Variants in ARHGEF1 observed in about 807,000 individuals in gnomAD.
ARHGEF1 encodes 115 kDa guanine nucleotide exchange factor.
Under a neutral mutation model 119.7 loss-of-function variants are expected in ARHGEF1, and 40 were observed. The ratio of observed to expected loss-of-function variants is 0.33; its 90% CI spans 0.26 to 0.44. The LOEUF is 0.44. Among genes scored for constraint, ARHGEF1 ranks in the 20% least tolerant of loss-of-function variants. The pLI is 1.00. For synonymous variants in ARHGEF1, 494 were observed against 521.0 expected (o/e 0.95, Z 0.71); for missense variants, 976 against 1,268.3 (o/e 0.77, Z 3.50).
rs1555849651 is a variant in ARHGEF1, at chr19:41,904,244, G to A, written c.2022G>A (p.Leu674=). 6.2e-7 allele frequency: 1 copy of A among 1,612,194 alleles called. No homozygotes were observed. Among genetic ancestry groups the A allele is most frequent in the Non-Finnish European group, 8.5e-7 (1 of 1,179,310 alleles). Residue 674 remains leucine, a synonymous_variant, in exon 22 of 29, where the codon CTG becomes CTA. Coordinates refer to ENST00000354532, the MANE Select transcript of ARHGEF1 (RefSeq NM_004706.4). This position sits in a 1 kb window ranked among gnomAD's most constrained non-coding sequence, Gnocchi z 8.4. ...VEVHVLLLDD[L]LLLLQRQDER... is the part of the protein sequence containing the mutation. ...TGCATGTGCTGCTGCTGGACGACCTGCTGCTGCTGCTCCAGCGCCAGGACG... is the reference window on the plus strand; with the variant it reads ...TGCATGTGCTGCTGCTGGACGACCTACTGCTGCTGCTCCAGCGCCAGGACG...
Position 41,888,144 on chromosome 19 carries a change from C to T in ARHGEF1, c.24+38C>T. On this transcript the variant is annotated intron_variant, in intron 2 of 28. Transcript: ENST00000354532. The surrounding 1 kb of genome is among the most constrained non-coding windows in gnomAD (Gnocchi z 5.1). ...AGCAAGGGGTGAGGCGACTCTGGGG[C>T]TGTGGGTGGAGAGTCCTGTGGACTG... 5 of 1,614,062 alleles carry T rather than the reference C, an allele frequency of 3.1e-6. No individual in the cohort carries two copies. The highest frequency in any genetic ancestry group is 4.2e-6 in the Non-Finnish European group (5 of 1,179,964).
At chr19:41,884,231 C>T in intron 1 of ARHGEF1, 1 of 609,930 alleles carries the variant, frequency 1.6e-6, no homozygotes, top group Non-Finnish European at 2.9e-6. Flanking sequence ...AACGCTGGCC[C>T]TCCAAGACAG....
Position 41,888,927 on chromosome 19 carries a change from G to C in ARHGEF1, c.225+62G>C. ...GGCTGGGACAGGCACAGCTTTTAGC[G>C]AATTAAACCAGCGAGCTAGTGCCTG... On this transcript the variant is annotated intron_variant, in intron 4 of 28. Transcript: ENST00000354532. This position sits in a 1 kb window ranked among gnomAD's most constrained non-coding sequence, Gnocchi z 5.1. The C allele has an allele frequency of 7.0e-7, 1 of 1,426,646 alleles. No individual in the cohort carries two copies. Among genetic ancestry groups the C allele is most frequent in the Non-Finnish European group, 9.7e-7 (1 of 1,035,418 alleles). The allele number at this position is 1,426,646 out of a possible 1,614,324, so 88.4% of individuals were successfully genotyped here. A position where few individuals can be genotyped will look rare whatever the true frequency, so the allele number is the denominator to read the frequency against.
intron 1 of ARHGEF1, among the ~76,000 whole-genome samples, chr19:41,927,768 G>A (rs1555853393): frequency 6.6e-6 from 1 of 152,036 alleles, no homozygotes; most frequent in South Asian, 2.1e-4. Context: ...CCATCTCCGT[G>A]GCTCTCACTC....
rs1193376566 is a variant in ARHGEF1, at chr19:41,896,433, G to A, written c.1072G>A (p.Glu358Lys). 1 of 1,479,354 alleles carries A rather than the reference G, an allele frequency of 6.8e-7. No homozygotes were observed. Among genetic ancestry groups the A allele is most frequent in the Non-Finnish European group, 9.0e-7 (1 of 1,116,168 alleles). 91.6% of individuals were successfully genotyped at this position (1,479,354 alleles called of 1,614,324 possible). ...DSSPQGPMSL[E>K]SLAPPESTDE... ...ATCCCCGCAGGGCCCAATGAGCCTG[G>A]AGTCCTTGGCGCCCCCAGAGAGTAC... is the stretch of plus-strand genomic sequence containing the variant. The change falls in exon 13 of 29, where the codon GAG (glutamate) becomes AAG (lysine). Residue 358 changes from glutamate (E) to lysine (K), a missense_variant. By Grantham distance (56) the Glu-to-Lys change is moderately conservative. Coordinates refer to ENST00000354532, the MANE Select transcript of ARHGEF1 (RefSeq NM_004706.4).
chr19:41,911,026 C>T (rs536582195), downstream of ARHGEF1, among the ~76,000 whole-genome samples: 117 of 152,290 alleles, frequency 7.7e-4, no homozygotes, highest in African/African-American at 2.5e-3. Flanking sequence ...ACACACTGTA[C>T]GATGGAGACG....
intron 18 of ARHGEF1, chr19:41,912,973 GGA>G (rs2074762754): frequency 1.0e-6 from 1 of 966,352 alleles, no homozygotes; most frequent in Admixed American, 4.3e-5. Flanking sequence ...GGGGTGGGCA[GGA>G]GAGACAGACA....
chr19:41,897,326 G>C, intron 13 of ARHGEF1: 2 of 1,269,908 alleles, frequency 1.6e-6, no homozygotes, highest in Non-Finnish European at 2.0e-6. Context: ...AGGTGGAAGA[G>C]GTGGGTGCCT....
In ARHGEF1 at chr19:41,888,930, T is replaced by C; in HGVS notation, c.225+65T>C. On this transcript the variant is annotated intron_variant, in intron 4 of 28. Coordinates refer to ENST00000354532, the MANE Select transcript of ARHGEF1 (RefSeq NM_004706.4). This position sits in a 1 kb window ranked among gnomAD's most constrained non-coding sequence, Gnocchi z 5.1. ...TGGGACAGGCACAGCTTTTAGCGAATTAAACCAGCGAGCTAGTGCCTGGAG... is the reference window on the plus strand; with the variant it reads ...TGGGACAGGCACAGCTTTTAGCGAACTAAACCAGCGAGCTAGTGCCTGGAG... The C allele has an allele frequency of 7.1e-7, 1 of 1,406,028 alleles. No individual in the cohort carries two copies. Among genetic ancestry groups the C allele is most frequent in the Non-Finnish European group, 9.8e-7 (1 of 1,019,738 alleles). 87.1% of individuals were successfully genotyped at this position (1,406,028 alleles called of 1,614,324 possible). A position where few individuals can be genotyped will look rare whatever the true frequency, so the allele number is the denominator to read the frequency against.
At position 41,898,437 on chromosome 19, in the gene ARHGEF1, C is replaced by A; in HGVS notation, c.1122-5C>A. ...CTGGGGCCCTAACAAGGCCTCTGTC[C>A]ACAGCCCCGAGCCTGGAGATGAGGG... On this transcript the variant is annotated splice_polypyrimidine_tract_variant and splice_region_variant and intron_variant, in intron 13 of 28. Transcript: ENST00000354532. The A allele has an allele frequency of 6.5e-7, 1 of 1,547,762 alleles. No individual in the cohort carries two copies.
upstream of ARHGEF1, among the ~76,000 whole-genome samples, chr19:41,918,445 C>T (rs1248421046): frequency 1.4e-5 from 2 of 147,560 alleles, no homozygotes; most frequent in African/African-American, 2.5e-5. Flanking sequence ...CATAAATACA[C>T]CACACATGCA....
rs1175885344 is a variant in ARHGEF1, at chr19:41,906,865, G to C, written c.*17+62G>C. On this transcript the variant is annotated intron_variant, in intron 28 of 28. Coordinates refer to ENST00000354532, the MANE Select transcript of ARHGEF1 (RefSeq NM_004706.4). The surrounding 1 kb of genome is among the most constrained non-coding windows in gnomAD (Gnocchi z 4.5). ...AAAGGAGGGTCCCCCTCCAGAGCTC[G>C]CATCCCTACAGCCCCTTCTGTCCAT... 2.3e-6 allele frequency: 3 copies of C among 1,312,676 alleles called. No individual in the cohort carries two copies. The highest frequency in any genetic ancestry group is 2.5e-5 in the East Asian group (1 of 40,702). The allele number at this position is 1,312,676 out of a possible 1,614,324, so 81.3% of individuals were successfully genotyped here. A position where few individuals can be genotyped will look rare whatever the true frequency, so the allele number is the denominator to read the frequency against.
At chr19:41,909,721 C>A, downstream of ARHGEF1, 1 of 1,019,950 alleles carries the variant, frequency 9.8e-7, no homozygotes, top group Middle Eastern at 2.4e-4. This position sits in a 1 kb window ranked among gnomAD's most constrained non-coding sequence, Gnocchi z 5.2. Context: ...CTTCCACTCA[C>A]AAGTAGCGAT....
In ARHGEF1 at chr19:41,917,094, C is replaced by T. The variant is rs537804457; in HGVS notation, c.1866-5998C>T. 2.4e-4 allele frequency among the ~76,000 whole-genome samples: 37 copies of T among 152,298 alleles called. No individual in the cohort carries two copies. The highest frequency in any genetic ancestry group is 7.5e-4 in the African/African-American group (31 of 41,560). On this transcript the variant is annotated intron_variant, in intron 18 of 20. Coordinates refer to the ARHGEF1 transcript ENST00000599589. This position sits in a 1 kb window ranked among gnomAD's most constrained non-coding sequence, Gnocchi z 4.8. The stretch of plus-strand genomic sequence containing the variant: ...ACTGCCTCTCGAGACACAGGTCTCT[C>T]GGTCTCTCTCAGCCCCTTCGGGTGT...
At chr19:41,912,704 G>A (rs1599672524) in intron 18 of ARHGEF1, 2 of 398,988 alleles carry the variant, frequency 5.0e-6, no homozygotes, top group East Asian at 7.1e-5. Context: ...TTCTCAGAAG[G>A]GGTTTGATTT....
chr19:41,895,556 G>C (rs2288510), intron 12 of ARHGEF1, 70 bp downstream of exon 12: 6 of 1,495,494 alleles, frequency 4.0e-6, no homozygotes, highest in Non-Finnish European at 5.4e-6. Context: ...CTGCCCCCTT[G>C]GCACCCCCAG....
intron 4 of ARHGEF1, among the ~76,000 whole-genome samples, chr19:41,890,953 C>G (rs2074367572): frequency 6.6e-6 from 1 of 152,058 alleles, no homozygotes; most frequent in African/African-American, 2.4e-5. Flanking sequence ...AGTCCCACTC[C>G]CATTGGAGTG....
At position 41,893,307 on chromosome 19, in the gene ARHGEF1, A is replaced by AG. The variant is rs782388692; in HGVS notation, c.644+10dup. The AG allele has an allele frequency of 6.3e-7, 1 of 1,589,896 alleles. No homozygotes were observed. Among genetic ancestry groups the AG allele is most frequent in the Non-Finnish European group, 8.6e-7 (1 of 1,168,946 alleles). On this transcript the variant is annotated splice_donor_region_variant and intron_variant, in intron 8 of 28. Transcript: ENST00000354532. ...TCTCTACCGACGAAGAAAAGAGGTG[A>AG]GGGGGGCAGGGGAGGCGTGCGGCCT...
intron 13 of ARHGEF1, chr19:41,897,796 G>T (rs1357838141): frequency 1.4e-6 from 1 of 735,718 alleles, no homozygotes; most frequent in Non-Finnish European, 1.9e-6. Flanking sequence ...TTCTGTCCCT[G>T]CCCTGGCCTC....
Sources: gnomAD v4.1 joint callset for allele counts (sites outside exome capture counted in the v4.1 genomes callset) on GRCh38, gnomAD v4.1.1 for gene constraint, Gnocchi (gnomAD v3.1) non-coding constraint, MANE v1.5 for transcripts, NCBI Gene and HGNC (gene_info 2026-07-23, HGNC 2026-07-21) for gene names.